NRG1: variants seen among roughly 807,000 people sequenced by gnomAD.
The protein encoded by NRG1 is neuregulin 1.
NRG1 carries 18 observed loss-of-function variants against 63.8 expected under a neutral mutation model. That is an observed-to-expected ratio of 0.28 (90% CI 0.19 to 0.42). The LOEUF is 0.42. Ranked by LOEUF, NRG1 falls within the 10% of genes least tolerant of loss-of-function variation. The pLI, the probability that NRG1 is intolerant of heterozygous loss-of-function variation, is 1.00. For missense variants in NRG1, 762 were observed against 814.7 expected (o/e 0.94, Z 0.79); for synonymous variants, 302 against 301.3 (o/e 1.00, Z -0.02).
intron 1 of NRG1, among the ~76,000 whole-genome samples, chr8:31,978,551 A>T (rs1808568821): frequency 2.6e-5 from 4 of 152,144 alleles, no homozygotes; most frequent in African/African-American, 7.2e-5. Context: ...TTGCAGCATT[A>T]ATTCATTTTG....
intron 1 of NRG1, among the ~76,000 whole-genome samples, chr8:32,070,322 C>T (rs1825566029): frequency 6.6e-6 from 1 of 152,064 alleles, no homozygotes; most frequent in African/African-American, 2.4e-5. Flanking sequence ...TCTGAATGTC[C>T]ATTTTCTCAT....
chr8:32,698,973 C>T (rs1353913480), intron 5 of NRG1, among the ~76,000 whole-genome samples: 2 of 152,172 alleles, frequency 1.3e-5, no homozygotes, highest in African/African-American at 4.8e-5. Flanking sequence ...CCACCTCATT[C>T]ATTTACAAAT....
chr8:31,902,727 A>C (rs1289599992), intron 1 of NRG1, among the ~76,000 whole-genome samples: 1 of 152,338 alleles, frequency 6.6e-6, no homozygotes, highest in South Asian at 2.1e-4. Context: ...GGGTTTTAAC[A>C]GACATATTTT....
chr8:32,761,073 T>C lies in NRG1; in HGVS notation c.1259+667T>C, dbSNP rs905416589. On this transcript the variant is annotated intron_variant, in intron 11 of 11. Coordinates refer to ENST00000356819, the Ensembl canonical transcript of NRG1. ...TATTCCAGAATGTTTTGGCTTTCCT[T>C]TGGGGAGATTGGGTTGGGTTGGGGG... 1.4e-5 allele frequency: 11 copies of C among 814,510 alleles called. No individual in the cohort carries two copies. In the African/African-American group the frequency reaches 2.0e-4, roughly 15 times the overall value. 50.5% of individuals were successfully genotyped at this position (814,510 alleles called of 1,614,324 possible).
intron 9 of NRG1, 72 bp from the exon 10 acceptor site, chr8:32,759,234 C>G: frequency 6.7e-7 from 1 of 1,491,570 alleles, no homozygotes; most frequent in Non-Finnish European, 9.1e-7. Context: ...TTTTTATTTA[C>G]ATGACAATAT....
intron 1 of NRG1, among the ~76,000 whole-genome samples, chr8:32,349,670 A>C (rs1360029613): frequency 6.6e-6 from 1 of 152,164 alleles, no homozygotes; most frequent in Admixed American, 6.5e-5. Flanking sequence ...TGCTTTTTGT[A>C]TGTGAAACAG....
At chr8:32,749,902 G>A in intron 7 of NRG1, 1 of 328,732 alleles carries the variant, frequency 3.0e-6, no homozygotes, top group Middle Eastern at 8.5e-4. Context: ...ATAAAAGCTG[G>A]GGTAAGTAGT....
intron 1 of NRG1, among the ~76,000 whole-genome samples, chr8:32,051,565 G>A (rs1473228075): frequency 1.3e-5 from 2 of 152,184 alleles, no homozygotes; most frequent in Non-Finnish European, 2.9e-5. Flanking sequence ...GGAAGAAAGG[G>A]TAAGGAAGTT....
intron 1 of NRG1, among the ~76,000 whole-genome samples, chr8:31,877,744 T>G (rs1441916864): frequency 6.6e-6 from 1 of 152,136 alleles, no homozygotes; most frequent in Non-Finnish European, 1.5e-5. Flanking sequence ...ATTTTATACA[T>G]GTATCAGAAT....
intron 1 of NRG1, among the ~76,000 whole-genome samples, chr8:32,418,197 T>C (rs1484974822): frequency 6.6e-6 from 1 of 152,138 alleles, no homozygotes; most frequent in Non-Finnish European, 1.5e-5. Flanking sequence ...CTGTAAAGTA[T>C]TTGAATGCTA....
chr8:31,755,305 G>A (rs542345310), intron 1 of NRG1, among the ~76,000 whole-genome samples: 17 of 152,108 alleles, frequency 1.1e-4, no homozygotes, highest in African/African-American at 3.1e-4. Flanking sequence ...AACATATAAC[G>A]TCTTGCTAAT....
At chr8:32,020,188 G>A (rs115776299) in intron 1 of NRG1, among the ~76,000 whole-genome samples, 1,570 of 152,154 alleles carry the variant, frequency 0.01, 29 homozygotes, top group African/African-American at 0.036. Context: ...TTTCACTAAT[G>A]TGTTCTATTT....
intron 1 of NRG1, among the ~76,000 whole-genome samples, chr8:32,551,330 A>C (rs1588237482): frequency 6.6e-6 from 1 of 151,970 alleles, no homozygotes; most frequent in Non-Finnish European, 1.5e-5. Flanking sequence ...TCCAAGTTTC[A>C]CTCCTTTCTT....
chr8:32,126,895 A>T (rs1251930801), intron 1 of NRG1, among the ~76,000 whole-genome samples: 1 of 151,788 alleles, frequency 6.6e-6, no homozygotes, highest in Non-Finnish European at 1.5e-5. Context: ...CTCAACTGAC[A>T]TGGGGGGAAG....
intron 1 of NRG1, among the ~76,000 whole-genome samples, chr8:31,740,748 C>G (rs867690306): frequency 1.3e-5 from 2 of 151,674 alleles, no homozygotes; most frequent in South Asian, 4.2e-4. Context: ...AGAGGAAGAG[C>G]AGTAGATGAG....
At chr8:32,080,084 C>T (rs948222312) in intron 1 of NRG1, among the ~76,000 whole-genome samples, 16 of 152,120 alleles carry the variant, frequency 1.1e-4, no homozygotes, top group African/African-American at 3.9e-4. Context: ...GATGCATCTA[C>T]TTAGCAATGT....
Position 32,506,355 on chromosome 8 carries a change from G to T in NRG1, c.38-89473G>T, listed in dbSNP as rs375854184. On this transcript the variant is annotated intron_variant, in intron 1 of 10. Transcript: ENST00000519301. ...CTTCATCGAATTTCTTTTTTATTGG[G>T]GACCCACAACAACATTTGCCCAAAG... Among the ~76,000 whole-genome samples, 135 of 152,150 alleles carry T rather than the reference G, an allele frequency of 8.9e-4. 1 individual carries two copies. The South Asian group carries it at 0.021, about 23-fold the overall frequency.
At chr8:31,989,091 A>C (rs1187873793) in intron 1 of NRG1, among the ~76,000 whole-genome samples, 2 of 151,620 alleles carry the variant, frequency 1.3e-5, no homozygotes, top group Non-Finnish European at 2.9e-5. Flanking sequence ...TCTACTAAAA[A>C]TACAAAAATT....
intron 1 of NRG1, among the ~76,000 whole-genome samples, chr8:32,244,280 G>A (rs62497575): frequency 0.031 from 4,704 of 152,184 alleles, 150 homozygotes; most frequent in African/African-American, 0.081. Context: ...CCTTAGGAGC[G>A]TTGAGGCTGA....
Sources: allele counts gnomAD v4.1 joint callset (sites outside exome capture counted in the v4.1 genomes callset), GRCh38; gene constraint gnomAD v4.1.1; transcripts MANE v1.5; gene names NCBI Gene and HGNC (gene_info 2026-07-23, HGNC 2026-07-21).